CLASP1: variants seen among roughly 807,000 people sequenced by gnomAD.
CLASP1 encodes the protein cytoplasmic linker associated protein 1.
A neutral mutation model predicts 192.3 loss-of-function variants in CLASP1; 38 were observed. The observed-to-expected ratio is 0.20, with a 90% CI of 0.15 to 0.26. CLASP1 has a LOEUF of 0.26. Ranked by LOEUF, CLASP1 falls within the 10% of genes least tolerant of loss-of-function variation. The pLI, the probability that CLASP1 is intolerant of heterozygous loss-of-function variation, is 1.00. For missense variants in CLASP1, 1,433 were observed against 1,932.5 expected (o/e 0.74, Z 4.85); for synonymous variants, 691 against 712.8 (o/e 0.97, Z 0.49).
chr2:121,507,233 A>G (rs912293099), intron 7 of CLASP1, among the ~76,000 whole-genome samples: 1 of 152,228 alleles, frequency 6.6e-6, no homozygotes, highest in Admixed American at 6.5e-5. Context: ...GAGAAAAACA[A>G]CAAACAGAAA....
intron 8 of CLASP1, among the ~76,000 whole-genome samples, chr2:121,478,878 A>G (rs149130157): frequency 4.6e-5 from 2 of 43,168 alleles, no homozygotes; most frequent in Non-Finnish European, 9.5e-5. Flanking sequence ...ACACCACACC[A>G]CACACACACC....
intron 30 of CLASP1, among the ~76,000 whole-genome samples, chr2:121,388,877 C>CA (rs1363309822): frequency 6.6e-6 from 1 of 152,130 alleles, no homozygotes; most frequent in East Asian, 1.9e-4. Context: ...CTTCCAAAGA[C>CA]TGTAGTTTTT....
chr2:121,528,603 T>A, intron 4 of CLASP1, 74 bp downstream of exon 4: 1 of 1,118,896 alleles, frequency 8.9e-7, no homozygotes, highest in Admixed American at 1.7e-5. Flanking sequence ...TTTGTGCAAG[T>A]ACACACACAC....
At chr2:121,510,785 G>C (rs1401528311) in intron 7 of CLASP1, among the ~76,000 whole-genome samples, 1 of 151,948 alleles carries the variant, frequency 6.6e-6, no homozygotes, top group Non-Finnish European at 1.5e-5. Context: ...GCAACAGAGA[G>C]AGATCCTGCC....
At chr2:121,387,366 A>G (rs536726508) in intron 31 of CLASP1, 138 bp from the exon 33 acceptor site, 422 of 611,674 alleles carry the variant, frequency 6.9e-4, no homozygotes, top group Non-Finnish European at 1.1e-3. Context: ...CCTTAGAATC[A>G]TAAGGCCAAT....
chr2:121,483,514 ATATATGTGTGTG>A (rs1438066942), intron 8 of CLASP1, among the ~76,000 whole-genome samples: 1 of 151,558 alleles, frequency 6.6e-6, no homozygotes, highest in Non-Finnish European at 1.5e-5. Context: ...ATATGTATGT[ATATATGTGTGTG>A]TATATATATG....
At chr2:121,529,636 A>G (rs945205682) in intron 3 of CLASP1, among the ~76,000 whole-genome samples, 6 of 152,236 alleles carry the variant, frequency 3.9e-5, no homozygotes, top group African/African-American at 1.4e-4. Context: ...ATTTAAATCT[A>G]TGAAATCTGT....
chr2:121,482,192 T>C (rs964321952), intron 8 of CLASP1, among the ~76,000 whole-genome samples: 1 of 152,132 alleles, frequency 6.6e-6, no homozygotes, highest in African/African-American at 2.4e-5. Context: ...CCAAAGACTC[T>C]TCCTGAACAG....
chr2:121,366,894 C>T (rs545818883), intron 35 of CLASP1, among the ~76,000 whole-genome samples: 24 of 152,314 alleles, frequency 1.6e-4, no homozygotes, highest in African/African-American at 5.5e-4. Flanking sequence ...CAGTAATGGA[C>T]ACTGGTCTTA....
intron 1 of CLASP1, among the ~76,000 whole-genome samples, chr2:121,647,193 C>T (rs1399221741): frequency 6.6e-6 from 1 of 151,938 alleles, no homozygotes; most frequent in Non-Finnish European, 1.5e-5. Flanking sequence ...CATAGTGAAA[C>T]CCTGTCTCTA....
At chr2:121,473,267 G>T (rs1197238952) in intron 8 of CLASP1, among the ~76,000 whole-genome samples, 2 of 151,974 alleles carry the variant, frequency 1.3e-5, no homozygotes, top group African/African-American at 4.8e-5. Flanking sequence ...TTTTTTTAAA[G>T]AATCCAATGG....
chr2:121,531,222 C>A (rs765275994), intron 2 of CLASP1, among the ~76,000 whole-genome samples: 1 of 152,158 alleles, frequency 6.6e-6, no homozygotes, highest in Admixed American at 6.5e-5. Context: ...TCTGTAACTT[C>A]CTTATGCTGA....
intron 2 of CLASP1, among the ~76,000 whole-genome samples, chr2:121,550,606 T>C (rs190804861): frequency 1.4e-4 from 22 of 152,218 alleles, no homozygotes; most frequent in Admixed American, 1.1e-3. Context: ...GAAACTACTA[T>C]GCACACCTCT....
intron 24 of CLASP1, chr2:121,409,016 A>T: frequency 6.4e-7 from 1 of 1,562,496 alleles, no homozygotes; most frequent in Non-Finnish European, 8.7e-7. Flanking sequence ...AAGTTAAAGG[A>T]CTGGTACCTT....
intron 30 of CLASP1, among the ~76,000 whole-genome samples, chr2:121,391,248 C>T (rs1171440988): frequency 1.3e-5 from 2 of 152,158 alleles, no homozygotes; most frequent in Non-Finnish European, 2.9e-5. Flanking sequence ...TTTCAGTCTA[C>T]CTGTTTACAA....
chr2:121,435,327 T>C (rs563886150), intron 19 of CLASP1, among the ~76,000 whole-genome samples: 5 of 152,278 alleles, frequency 3.3e-5, no homozygotes, highest in Admixed American at 2.0e-4. Context: ...CAGGCTGGAG[T>C]TCAATGGCGC....
At chr2:121,446,453 A>G (rs989538133) in intron 19 of CLASP1, among the ~76,000 whole-genome samples, 1 of 152,234 alleles carries the variant, frequency 6.6e-6, no homozygotes, top group African/African-American at 2.4e-5. Context: ...TCAGAACATT[A>G]GTTTTAGAAC....
At chr2:121,347,407 A>G (rs10221741) in intron 38 of CLASP1, among the ~76,000 whole-genome samples, 2 of 152,022 alleles carry the variant, frequency 1.3e-5, no homozygotes, top group African/African-American at 4.8e-5. Context: ...CTGGTCTCTG[A>G]GTCTGCACAG....
intron 2 of CLASP1, among the ~76,000 whole-genome samples, chr2:121,551,559 G>T (rs939786001): frequency 6.6e-6 from 1 of 152,062 alleles, no homozygotes; most frequent in Non-Finnish European, 1.5e-5. Context: ...CCAGCAACAG[G>T]CAAGCAGAGA....
Sources: allele counts gnomAD v4.1 joint callset (sites outside exome capture counted in the v4.1 genomes callset), GRCh38; gene constraint gnomAD v4.1.1; transcripts MANE v1.5; gene names NCBI Gene and HGNC (gene_info 2026-07-23, HGNC 2026-07-21).